The following MECOM variants were observed in gnomAD, a reference collection of about 807,000 sequenced individuals.
MECOM encodes the protein histone-lysine N-methyltransferase MECOM.
In MECOM, 13 loss-of-function variants were observed where a neutral mutation model predicts 116.3. The observed-to-expected ratio is 0.11, with a 90% CI of 0.07 to 0.18. The LOEUF (loss-of-function observed/expected upper bound fraction) is 0.18, where lower values mean the gene tolerates loss of function less well. Among genes scored for constraint, MECOM ranks in the 10% least tolerant of loss-of-function variants. MECOM has a pLI of 1.00. For synonymous variants in MECOM, 528 were observed against 535.2 expected, an observed-to-expected ratio of 0.99 and a Z score of 0.19; for missense variants, 1,299 against 1,509.0, an observed-to-expected ratio of 0.86 and a Z score of 2.31.
chr3:169,487,036 C>A (rs1242567454), intron 1 of MECOM, among the ~76,000 whole-genome samples: 2 of 151,430 alleles, frequency 1.3e-5, no homozygotes, highest in Admixed American at 6.6e-5. Context: ...TATCTCATGT[C>A]TTTCTTTTGG....
intron 2 of MECOM, among the ~76,000 whole-genome samples, chr3:169,212,784 T>C (rs1750936893): frequency 6.6e-6 from 1 of 150,620 alleles, no homozygotes; most frequent in Non-Finnish European, 1.5e-5. Flanking sequence ...ACTATGCTCC[T>C]GGCCTTCCTT....
At chr3:169,634,506 C>T (rs1772478754) in intron 1 of MECOM, among the ~76,000 whole-genome samples, 1 of 152,184 alleles carries the variant, frequency 6.6e-6, no homozygotes, top group South Asian at 2.1e-4. Context: ...TTAGCCAAGG[C>T]TTGTTGGTAA....
At chr3:169,220,055 G>A (rs1751933269) in intron 2 of MECOM, among the ~76,000 whole-genome samples, 1 of 151,430 alleles carries the variant, frequency 6.6e-6, no homozygotes, top group Non-Finnish European at 1.5e-5. Context: ...GACTGGGCAC[G>A]GTGGCTCATG....
chr3:169,288,628 G>T (rs1292332186), intron 2 of MECOM, among the ~76,000 whole-genome samples: 1 of 152,106 alleles, frequency 6.6e-6, no homozygotes, highest in African/African-American at 2.4e-5. Flanking sequence ...GGGTGGGGAG[G>T]CATCTGAAGT....
chr3:169,425,116 T>A (rs1053229890), intron 1 of MECOM, among the ~76,000 whole-genome samples: 21 of 145,408 alleles, frequency 1.4e-4, no homozygotes, highest in African/African-American at 5.2e-4. Flanking sequence ...CCCACTTGCA[T>A]GTGCCTCAGA....
intron 2 of MECOM, among the ~76,000 whole-genome samples, chr3:169,283,289 G>A (rs980462148): frequency 8.5e-5 from 13 of 152,056 alleles, no homozygotes; most frequent in Admixed American, 1.3e-4. Context: ...GATCACTTGA[G>A]CCCAGGGCTT....
At chr3:169,450,708 C>A (rs899336626) in intron 1 of MECOM, among the ~76,000 whole-genome samples, 2 of 152,132 alleles carry the variant, frequency 1.3e-5, no homozygotes, top group African/African-American at 4.8e-5. Context: ...CAGATCCTGA[C>A]AATGGATTTA....
intron 1 of MECOM, among the ~76,000 whole-genome samples, chr3:169,417,017 T>C (rs577769249): frequency 6.6e-6 from 1 of 152,108 alleles, no homozygotes; most frequent in East Asian, 1.9e-4. Context: ...GAAGAAAACC[T>C]AGGCATTACC....
intron 2 of MECOM, among the ~76,000 whole-genome samples, chr3:169,330,877 TATATAA>T (rs1722608468): frequency 6.6e-6 from 1 of 152,046 alleles, no homozygotes. Flanking sequence ...ACCCTAAATT[TATATAA>T]ATACATATTT....
At chr3:169,594,753 T>C (rs1036067224) in intron 1 of MECOM, among the ~76,000 whole-genome samples, 1 of 151,666 alleles carries the variant, frequency 6.6e-6, no homozygotes, top group African/African-American at 2.4e-5. Flanking sequence ...AGTCTCAAAG[T>C]TGATACTCTC....
In MECOM at chr3:169,116,517, T is replaced by A; in HGVS notation, c.1355A>T (p.Asp452Val). 1.2e-6 allele frequency: 2 copies of A among 1,614,152 alleles called. No homozygotes were observed. The highest frequency in any genetic ancestry group is 1.7e-6 in the Non-Finnish European group (2 of 1,180,026). The change falls in exon 8 of 17, where the codon GAT becomes GTT. Residue 452 changes from aspartate (D) to valine (V), a missense_variant. By Grantham distance (152) the Asp-to-Val change is radical (BLOSUM62 -3). Coordinates refer to ENST00000651503, the MANE Select transcript of MECOM (RefSeq NM_004991.4). ...GISLPGTPAM[D>V]KTSMVNMSHA... ...ACTCATATTAACCATGGACGTTTTA[T>A]CCATAGCTGGGGTTCCAGGAAGTGA...
chr3:169,581,706 G>C (rs1467992231), intron 1 of MECOM, among the ~76,000 whole-genome samples: 1 of 152,120 alleles, frequency 6.6e-6, no homozygotes, highest in Non-Finnish European at 1.5e-5. Context: ...TCAGGACTGG[G>C]GGTGGGAGTA....
intron 1 of MECOM, among the ~76,000 whole-genome samples, chr3:169,385,543 A>G (rs1255738692): frequency 6.6e-6 from 1 of 152,202 alleles, no homozygotes; most frequent in Non-Finnish European, 1.5e-5. Flanking sequence ...AGTTTTACGT[A>G]TCAAAACATG....
chr3:169,559,592 T>C (rs949702441), intron 1 of MECOM, among the ~76,000 whole-genome samples: 1 of 152,174 alleles, frequency 6.6e-6, no homozygotes, highest in African/African-American at 2.4e-5. Context: ...GTGAAAACAA[T>C]ATATCTGCCA....
At chr3:169,456,549 CCATGGACTGTCAG>C (rs1299814214) in intron 1 of MECOM, among the ~76,000 whole-genome samples, 1 of 152,078 alleles carries the variant, frequency 6.6e-6, no homozygotes, top group Admixed American at 6.5e-5. Flanking sequence ...ATATAAAGTG[CCATGGACTGTCAG>C]CATCCATGTC....
intron 1 of MECOM, among the ~76,000 whole-genome samples, chr3:169,437,410 T>G (rs1308516064): frequency 2.6e-5 from 4 of 152,184 alleles, no homozygotes; most frequent in Non-Finnish European, 5.9e-5. Flanking sequence ...AATATTAACT[T>G]TTTTGCAATT....
chr3:169,385,130 A>C (rs922837571), intron 1 of MECOM, among the ~76,000 whole-genome samples: 1 of 149,792 alleles, frequency 6.7e-6, no homozygotes, highest in Non-Finnish European at 1.5e-5. Flanking sequence ...AAAAGCATAG[A>C]GACAAGCCCA....
At chr3:169,249,029 C>T (rs774543043) in intron 2 of MECOM, among the ~76,000 whole-genome samples, 1 of 152,138 alleles carries the variant, frequency 6.6e-6, no homozygotes, top group Admixed American at 6.5e-5. Flanking sequence ...CTCAATCTCA[C>T]CCAAATGCCC....
intron 4 of MECOM, among the ~76,000 whole-genome samples, chr3:169,129,702 C>G: frequency 6.6e-6 from 1 of 152,068 alleles, no homozygotes; most frequent in Non-Finnish European, 1.5e-5. Context: ...AGTCCGAACA[C>G]AAGCAGAATC....
Sources: allele counts gnomAD v4.1 joint callset (sites outside exome capture counted in the v4.1 genomes callset), GRCh38; gene constraint gnomAD v4.1.1; transcripts MANE v1.5; gene names NCBI Gene and HGNC (gene_info 2026-07-23, HGNC 2026-07-21).